The following ANGPT1 variants were observed in gnomAD, a reference collection of about 807,000 sequenced individuals.
The protein encoded by ANGPT1 is angiopoietin-1.
A neutral mutation model predicts 62.2 loss-of-function variants in ANGPT1; 17 were observed. The observed-to-expected ratio is 0.27, with a 90% confidence interval of 0.19 to 0.41. The LOEUF is 0.41. Ranked by LOEUF, ANGPT1 falls within the 10% of genes least tolerant of loss-of-function variation. The pLI, the probability that ANGPT1 is intolerant of heterozygous loss-of-function variation, is 1.00. For missense variants in ANGPT1, 478 were observed against 594.9 expected (o/e 0.80, Z 2.04); for synonymous variants, 199 against 198.9 (o/e 1.00, Z 0.00).
intron 3 of ANGPT1, among the ~76,000 whole-genome samples, chr8:107,334,093 A>G (rs1442885399): frequency 6.6e-6 from 1 of 151,802 alleles, no homozygotes; most frequent in East Asian, 1.9e-4. Flanking sequence ...GTACCTGAGT[A>G]CAAGTGGTGC....
chr8:107,461,454 A>G (rs1812069391), intron 1 of ANGPT1, among the ~76,000 whole-genome samples: 1 of 152,148 alleles, frequency 6.6e-6, no homozygotes, highest in Admixed American at 6.6e-5. Context: ...TAATTTGTCC[A>G]AGTCAGGATA....
At chr8:107,435,397 T>C (rs1811308387) in intron 1 of ANGPT1, among the ~76,000 whole-genome samples, 1 of 152,246 alleles carries the variant, frequency 6.6e-6, no homozygotes, top group South Asian at 2.1e-4. Flanking sequence ...AGGTGTTTTC[T>C]AGACAAATGC....
chr8:107,477,291 G>T lies in ANGPT1; in HGVS notation c.297+19971C>A, dbSNP rs532643987. On this transcript the variant is annotated intron_variant, in intron 1 of 8. Transcript: ENST00000517746. ...GGAGCGGGAGAGAGTTAGGGAATTT[G>T]TTGGGTCACAGTTTGCACAAAGTTA... 2.0e-5 allele frequency among the ~76,000 whole-genome samples: 3 copies of T among 152,306 alleles called. No individual in the cohort carries two copies. In the South Asian group the frequency reaches 6.2e-4, roughly 32 times the overall value.
chr8:107,275,555 C>T (rs1024716585), intron 7 of ANGPT1, among the ~76,000 whole-genome samples: 5 of 152,128 alleles, frequency 3.3e-5, no homozygotes, highest in East Asian at 1.9e-4. Flanking sequence ...TGACTGTGTT[C>T]GTGGCATTGT....
intron 1 of ANGPT1, among the ~76,000 whole-genome samples, chr8:107,424,587 CCA>C (rs1456426757): frequency 6.6e-5 from 10 of 152,158 alleles, no homozygotes; most frequent in African/African-American, 2.4e-4. Flanking sequence ...CCTCCTGAGA[CCA>C]CACAGGACCT....
At chr8:107,402,258 T>C (rs1165393618) in intron 1 of ANGPT1, among the ~76,000 whole-genome samples, 3 of 152,144 alleles carry the variant, frequency 2.0e-5, no homozygotes, top group East Asian at 3.9e-4. Context: ...ATCTTCTGTG[T>C]TGAAAGTCCA....
intron 1 of ANGPT1, among the ~76,000 whole-genome samples, chr8:107,409,379 C>T (rs868482304): frequency 3.4e-4 from 51 of 152,158 alleles, no homozygotes; most frequent in African/African-American, 9.2e-4. Context: ...ATTCCCAGAG[C>T]GCAACATTCT....
chr8:107,254,872 CA>C (rs1280160462), intron 8 of ANGPT1, among the ~76,000 whole-genome samples: 1 of 152,020 alleles, frequency 6.6e-6, no homozygotes, highest in Non-Finnish European at 1.5e-5. Flanking sequence ...ATGGGAACCA[CA>C]ATCGAACCAG....
At chr8:107,414,801 C>A (rs1563612289) in intron 1 of ANGPT1, among the ~76,000 whole-genome samples, 1 of 152,132 alleles carries the variant, frequency 6.6e-6, no homozygotes, top group Admixed American at 6.6e-5. Context: ...ATTTGGACAT[C>A]TCATTTGTCT....
intron 7 of ANGPT1, among the ~76,000 whole-genome samples, chr8:107,280,239 C>T (rs1366007258): frequency 1.3e-5 from 2 of 151,108 alleles, no homozygotes; most frequent in African/African-American, 2.4e-5. Flanking sequence ...TCACTCTTGT[C>T]GCCCTGACTG....
intron 8 of ANGPT1, among the ~76,000 whole-genome samples, chr8:107,258,097 A>G (rs1813412945): frequency 6.6e-6 from 1 of 151,414 alleles, no homozygotes; most frequent in African/African-American, 2.4e-5. Context: ...TCTCCCTCAT[A>G]CTTCATTTTG....
intron 1 of ANGPT1, among the ~76,000 whole-genome samples, chr8:107,420,844 T>A (rs901976972): frequency 1.3e-5 from 2 of 152,134 alleles, no homozygotes; most frequent in African/African-American, 4.8e-5. Context: ...TGCCTGTCTA[T>A]ATAAAAACAT....
intron 2 of ANGPT1, chr8:107,336,479 C>A: frequency 1.6e-6 from 1 of 617,642 alleles, no homozygotes; most frequent in Non-Finnish European, 2.2e-6. Context: ...TCCTGGCAAA[C>A]ATGGTGAAAC....
chr8:107,471,320 T>C (rs116497687), intron 1 of ANGPT1, among the ~76,000 whole-genome samples: 7,994 of 151,942 alleles, frequency 0.053, 240 homozygotes, highest in South Asian at 0.11. Context: ...AACCAAACAG[T>C]GCATGTTCTC....
rs183753636 is a variant in ANGPT1, at chr8:107,480,741, A to G, written c.297+16521T>C. 3.5e-4 allele frequency among the ~76,000 whole-genome samples: 54 copies of G among 152,332 alleles called. No homozygotes were observed. In the East Asian group the frequency reaches 9.8e-3, roughly 28 times the overall value. ...CAAAACCATATAACCTAGATCAACT[A>G]TAGACAAGAGCAGAGTTTTCAATGG... On this transcript the variant is annotated intron_variant, in intron 1 of 8. Coordinates refer to ENST00000517746, the MANE Select transcript of ANGPT1 (RefSeq NM_001146.5).
chr8:107,464,723 T>C (rs1433168), intron 1 of ANGPT1, among the ~76,000 whole-genome samples: 61,080 of 151,958 alleles, frequency 0.4, 13,390 homozygotes, highest in East Asian at 0.66. Flanking sequence ...GTAAATTTAT[T>C]GTAAGGATCA....
At chr8:107,353,379 C>T (rs1815973168) in intron 1 of ANGPT1, among the ~76,000 whole-genome samples, 1 of 152,136 alleles carries the variant, frequency 6.6e-6, no homozygotes, top group South Asian at 2.1e-4. Flanking sequence ...CTAGGCTGAG[C>T]CAACAACAAT....
intron 3 of ANGPT1, among the ~76,000 whole-genome samples, chr8:107,333,219 G>T (rs1815464270): frequency 6.6e-6 from 1 of 151,964 alleles, no homozygotes; most frequent in South Asian, 2.1e-4. Flanking sequence ...CAGATGTTCT[G>T]CCAATACTCC....
At chr8:107,480,222 G>GA (rs978132900) in intron 1 of ANGPT1, among the ~76,000 whole-genome samples, 4 of 152,058 alleles carry the variant, frequency 2.6e-5, no homozygotes, top group South Asian at 4.1e-4. Flanking sequence ...TGCATAATAT[G>GA]AAAAAACTAT....
Sources: gnomAD v4.1 joint callset for allele counts (sites outside exome capture counted in the v4.1 genomes callset) on GRCh38, gnomAD v4.1.1 for gene constraint, MANE v1.5 for transcripts, NCBI Gene and HGNC (gene_info 2026-07-23, HGNC 2026-07-21) for gene names.